CHLSN: variants seen among roughly 807,000 people sequenced by gnomAD.
CHLSN encodes protein cholesin.
the CHLSN span, among the ~76,000 whole-genome samples, chr7:1,094,037 A>G: frequency 6.6e-6 from 1 of 152,230 alleles, no homozygotes; most frequent in South Asian, 2.1e-4. Context: ...CTTGGGTGCC[A>G]TGACAAGCTT....
the CHLSN span, among the ~76,000 whole-genome samples, chr7:1,107,162 C>T: frequency 1.3e-5 from 2 of 151,352 alleles, no homozygotes; most frequent in African/African-American, 4.9e-5. Flanking sequence ...AGCCATGTGT[C>T]CATGTGCACT....
chr7:1,007,794 G>A, the CHLSN span, among the ~76,000 whole-genome samples: 9 of 152,298 alleles, frequency 5.9e-5, no homozygotes, highest in African/African-American at 1.7e-4. Context: ...GGTCCCAGAG[G>A]GGGAGAGGAG....
the CHLSN span, among the ~76,000 whole-genome samples, chr7:1,108,564 G>A: frequency 1.3e-5 from 2 of 152,348 alleles, no homozygotes; most frequent in East Asian, 3.9e-4. Context: ...CTGGGGTTCT[G>A]ATTCTGTGCG....
chr7:1,022,767 C>T, the CHLSN span, among the ~76,000 whole-genome samples: 5 of 152,236 alleles, frequency 3.3e-5, no homozygotes, highest in Admixed American at 6.5e-5. Flanking sequence ...TCCTCCCTCC[C>T]CAGTTACTTC....
chr7:985,678 G>A, the CHLSN span, among the ~76,000 whole-genome samples: 1 of 152,236 alleles, frequency 6.6e-6, no homozygotes, highest in Non-Finnish European at 1.5e-5. Flanking sequence ...CCTTCCTGCT[G>A]ACGCCCTTTA....
chr7:1,096,764 C>A, the CHLSN span, among the ~76,000 whole-genome samples: 1 of 152,226 alleles, frequency 6.6e-6, no homozygotes, highest in Non-Finnish European at 1.5e-5. The surrounding 1 kb of genome is among the most constrained non-coding windows in gnomAD (Gnocchi z 4.6). Flanking sequence ...CTTGACCTCA[C>A]GAGAGTGACA....
chr7:1,034,047 C>T, the CHLSN span, among the ~76,000 whole-genome samples: 2 of 152,358 alleles, frequency 1.3e-5, no homozygotes, highest in Admixed American at 1.3e-4. Flanking sequence ...TGCAGGAAAT[C>T]TCAGAGAATC....
the CHLSN span, chr7:988,539 G>C: frequency 1.3e-6 from 2 of 1,597,470 alleles, no homozygotes; most frequent in Admixed American, 1.7e-5. Context: ...AGGCGGCTGT[G>C]GTGGCTGCTC....
chr7:1,042,670 G>A, the CHLSN span, among the ~76,000 whole-genome samples: 3 of 152,150 alleles, frequency 2.0e-5, no homozygotes, highest in Non-Finnish European at 4.4e-5. Flanking sequence ...GTGGCTCAGA[G>A]GAAGCTAACC....
chr7:1,085,351 G>A, the CHLSN span, among the ~76,000 whole-genome samples: 6 of 152,264 alleles, frequency 3.9e-5, no homozygotes, highest in African/African-American at 9.6e-5. Context: ...GACCCAGGAC[G>A]CCTCTGGTGT....
At chr7:1,117,506 C>T in the CHLSN span, among the ~76,000 whole-genome samples, 8 of 135,816 alleles carry the variant, frequency 5.9e-5, no homozygotes, top group African/African-American at 1.5e-4. Flanking sequence ...CCGACATCCA[C>T]GCAGGATGAT....
the CHLSN span, among the ~76,000 whole-genome samples, chr7:1,102,114 A>G: frequency 6.6e-6 from 1 of 152,260 alleles, no homozygotes. Flanking sequence ...TTAACCATCC[A>G]GAGCTACAGG....
the CHLSN span, among the ~76,000 whole-genome samples, chr7:1,132,026 C>T: frequency 3.9e-5 from 6 of 152,120 alleles, no homozygotes; most frequent in South Asian, 2.1e-4. Context: ...GGATTTGGAG[C>T]CCTACCTCAC....
chr7:1,070,919 G>A, the CHLSN span, among the ~76,000 whole-genome samples: 3 of 140,114 alleles, frequency 2.1e-5, no homozygotes, highest in Admixed American at 6.9e-5. Flanking sequence ...CACACACACA[G>A]CACGCACAGA....
At chr7:1,058,487 C>T in the CHLSN span, 1 of 780,016 alleles carries the variant, frequency 1.3e-6, no homozygotes, top group Admixed American at 1.7e-5. Context: ...GCTCCCCGGA[C>T]CACATGGGGG....
At chr7:1,069,484 C>T in the CHLSN span, among the ~76,000 whole-genome samples, 17 of 142,938 alleles carry the variant, frequency 1.2e-4, no homozygotes, top group African/African-American at 4.1e-4. Flanking sequence ...CTCAGCCTGC[C>T]GAGTGCCTGC....
At chr7:987,494 C>A in the CHLSN span, 14 of 1,546,270 alleles carry the variant, frequency 9.1e-6, no homozygotes, top group Non-Finnish European at 1.2e-5. Context: ...CGCTGCACCG[C>A]GGCCGACACA....
At chr7:1,131,467 G>A in the CHLSN span, among the ~76,000 whole-genome samples, 1 of 152,210 alleles carries the variant, frequency 6.6e-6, no homozygotes, top group East Asian at 1.9e-4. Flanking sequence ...CCCACTCGGG[G>A]CTATCACTGG....
At chr7:1,001,107 G>A in the CHLSN span, among the ~76,000 whole-genome samples, 3 of 152,186 alleles carry the variant, frequency 2.0e-5, no homozygotes, top group East Asian at 5.8e-4. Context: ...GGCAGCTGCG[G>A]ATGGAGCGAA....
Sources: allele counts gnomAD v4.1 joint callset (sites outside exome capture counted in the v4.1 genomes callset), GRCh38; gene constraint gnomAD v4.1.1; non-coding constraint Gnocchi (gnomAD v3.1); transcripts MANE v1.5; gene names NCBI Gene and HGNC (gene_info 2026-07-23, HGNC 2026-07-21).